The following ADCY2 variants were observed in gnomAD, a reference collection of about 807,000 sequenced individuals.
ADCY2 encodes the protein adenylate cyclase type 2.
ADCY2 carries 31 observed loss-of-function variants against 125.2 expected under a neutral mutation model. The ratio of observed to expected loss-of-function variants is 0.25; its 90% CI spans 0.19 to 0.33. The LOEUF (loss-of-function observed/expected upper bound fraction) is 0.33. ADCY2 is among the 10% of genes least tolerant of loss of function. The pLI is 1.00. For synonymous variants in ADCY2, 512 were observed against 548.4 expected (o/e 0.93, Z 0.93); for missense variants, 904 against 1,418.2 (o/e 0.64, Z 5.82).
intron 18 of ADCY2, among the ~76,000 whole-genome samples, chr5:7,781,020 G>C (rs994431068): frequency 6.6e-6 from 1 of 152,210 alleles, no homozygotes; most frequent in Non-Finnish European, 1.5e-5. Context: ...AAGGAAGTGT[G>C]TTCCATCACA....
chr5:7,777,947 G>A (rs140072162), intron 18 of ADCY2, among the ~76,000 whole-genome samples: 83 of 152,340 alleles, frequency 5.4e-4, no homozygotes, highest in East Asian at 5.8e-4. Context: ...CTGCTGGGAC[G>A]TGATTCGGAT....
rs555601811 is a variant in ADCY2 at position 7,501,535 on chromosome 5, A to T, written c.409-19203A>T. The stretch of plus-strand genomic sequence containing the variant: ...AGTTTAGTTTTGATATAGAATAAAA[A>T]ATCAGAAATAATTTTTAGGAAACTC... On this transcript the variant is annotated intron_variant, in intron 2 of 24. Transcript: ENST00000338316. 5.3e-5 allele frequency among the ~76,000 whole-genome samples: 8 copies of T among 151,944 alleles called. No homozygotes were observed. In the South Asian group the frequency reaches 1.7e-3, roughly 32 times the overall value.
In ADCY2 at chr5:7,396,281, C is replaced by T; in HGVS notation, c.-16C>T. On this transcript the variant is annotated 5_prime_UTR_variant, in exon 1 of 25. Transcript: ENST00000338316. This position sits in a 1 kb window ranked among gnomAD's most constrained non-coding sequence, Gnocchi z 5.7. ...CGGGCCGGGCGCGCACGGCGGGCGC[C>T]CTGTGAGCGGCCCCGATGTGGCAGG... 2.5e-6 allele frequency: 3 copies of T among 1,191,946 alleles called. No individual in the cohort carries two copies. The highest frequency in any genetic ancestry group is 2.9e-5 in the South Asian group (1 of 34,140). 73.8% of individuals were successfully genotyped at this position (1,191,946 alleles called of 1,614,324 possible).
intron 2 of ADCY2, among the ~76,000 whole-genome samples, chr5:7,427,324 A>C (rs1365066656): frequency 6.6e-6 from 1 of 152,228 alleles, no homozygotes; most frequent in Non-Finnish European, 1.5e-5. Flanking sequence ...TGGGTAATTT[A>C]TAAAGGAAAC....
intron 3 of ADCY2, among the ~76,000 whole-genome samples, chr5:7,614,174 A>G (rs1448814354): frequency 6.6e-6 from 1 of 152,252 alleles, no homozygotes; most frequent in African/African-American, 2.4e-5. Context: ...ACCCCAGATC[A>G]CAATGAACAG....
intron 3 of ADCY2, among the ~76,000 whole-genome samples, chr5:7,571,440 C>T (rs1321262352): frequency 6.6e-6 from 1 of 152,084 alleles, no homozygotes; most frequent in South Asian, 2.1e-4. Context: ...TCTGTTTGGA[C>T]CCTCAGTGGA....
At chr5:7,625,562 G>A (rs897704246) in intron 3 of ADCY2, among the ~76,000 whole-genome samples, 3 of 152,176 alleles carry the variant, frequency 2.0e-5, no homozygotes, top group Non-Finnish European at 4.4e-5. Context: ...AGAATAATGA[G>A]TTATATGTTT....
intron 15 of ADCY2, 109 bp from the exon 16 acceptor site, chr5:7,757,340 G>A: frequency 7.2e-7 from 1 of 1,382,794 alleles, no homozygotes; most frequent in East Asian, 2.3e-5. Flanking sequence ...TACATGTTTA[G>A]TCTATGAACA....
chr5:7,695,067 C>T (rs1283597634), intron 5 of ADCY2, among the ~76,000 whole-genome samples: 2 of 152,188 alleles, frequency 1.3e-5, no homozygotes, highest in Non-Finnish European at 2.9e-5. Context: ...CTTCATAAGA[C>T]CTTGATACAA....
intron 4 of ADCY2, among the ~76,000 whole-genome samples, chr5:7,686,223 A>G (rs1740515035): frequency 6.6e-6 from 1 of 152,192 alleles, no homozygotes; most frequent in Admixed American, 6.5e-5. Flanking sequence ...TTTCCTACCA[A>G]TTGAAATAGT....
At position 7,829,300 on chromosome 5, in the gene ADCY2, A is replaced by G. The variant is rs968689261; in HGVS notation, c.*2429A>G. 3 of 152,568 alleles carry G rather than the reference A, an allele frequency of 2.0e-5. No individual in the cohort carries two copies. In the East Asian group the frequency reaches 5.8e-4, roughly 29 times the overall value. The allele number at this position is 152,568 out of a possible 1,614,324, so 9.5% of individuals were successfully genotyped here. A position where few individuals can be genotyped will look rare whatever the true frequency, so the allele number is the denominator to read the frequency against. On this transcript the variant is annotated 3_prime_UTR_variant, in exon 25 of 25. Coordinates refer to ENST00000338316, the MANE Select transcript of ADCY2 (RefSeq NM_020546.3). The stretch of plus-strand genomic sequence containing the variant: ...AAGCTTCAGACCTCCCTCCCTCCCC[A>G]GTGTTTTTGCAGGTGAGGAAACAGG...
At position 7,512,507 on chromosome 5, in the gene ADCY2, G is replaced by C. The variant is rs143528636; in HGVS notation, c.409-8231G>C. On this transcript the variant is annotated intron_variant, in intron 2 of 24. Transcript: ENST00000338316. ...AGAAAACTATTAAGAATAGTTCCTAGGTTTGGGGATTAGGGGTTTTATTAA... is the reference window on the plus strand; with the variant it reads ...AGAAAACTATTAAGAATAGTTCCTACGTTTGGGGATTAGGGGTTTTATTAA... 2.3e-4 allele frequency among the ~76,000 whole-genome samples: 35 copies of C among 152,172 alleles called. No homozygotes were observed. The East Asian group carries it at 6.4e-3, about 28-fold the overall frequency.
At chr5:7,503,236 A>T (rs1315741474) in intron 2 of ADCY2, among the ~76,000 whole-genome samples, 1 of 152,200 alleles carries the variant, frequency 6.6e-6, no homozygotes, top group Non-Finnish European at 1.5e-5. Flanking sequence ...TCAGTCTCAT[A>T]TAAGTGCTTT....
chr5:7,666,196 T>C (rs2126698963), intron 4 of ADCY2, among the ~76,000 whole-genome samples: 1 of 152,146 alleles, frequency 6.6e-6, no homozygotes. Context: ...CTATGAGAGA[T>C]AGGAACCACC....
intron 7 of ADCY2, among the ~76,000 whole-genome samples, chr5:7,706,263 A>G (rs996381162): frequency 2.0e-5 from 3 of 152,240 alleles, no homozygotes; most frequent in African/African-American, 7.2e-5. Flanking sequence ...AAAAATTCTT[A>G]TGTAGGCTAA....
At chr5:7,474,405 G>A (rs933171317) in intron 2 of ADCY2, among the ~76,000 whole-genome samples, 50 of 152,300 alleles carry the variant, frequency 3.3e-4, no homozygotes, top group African/African-American at 1.2e-3. Context: ...AGATTAACAA[G>A]ATGCTGTAAT....
At chr5:7,574,640 G>A (rs1395977460) in intron 3 of ADCY2, among the ~76,000 whole-genome samples, 2 of 152,186 alleles carry the variant, frequency 1.3e-5, no homozygotes. Flanking sequence ...TAAAGTTGAT[G>A]AGACCCATAC....
intron 14 of ADCY2, among the ~76,000 whole-genome samples, chr5:7,738,000 C>A (rs973568040): frequency 6.6e-6 from 1 of 152,122 alleles, no homozygotes; most frequent in Non-Finnish European, 1.5e-5. Flanking sequence ...AGAGGGAATT[C>A]ATCACCAGCA....
intron 4 of ADCY2, among the ~76,000 whole-genome samples, chr5:7,633,789 C>A (rs1057062707): frequency 6.6e-6 from 1 of 152,112 alleles, no homozygotes. Flanking sequence ...AAGGAGAGGA[C>A]CTGATTTTGA....
Sources: gnomAD v4.1 joint callset for allele counts (sites outside exome capture counted in the v4.1 genomes callset) on GRCh38, gnomAD v4.1.1 for gene constraint, Gnocchi (gnomAD v3.1) non-coding constraint, MANE v1.5 for transcripts, NCBI Gene and HGNC (gene_info 2026-07-23, HGNC 2026-07-21) for gene names.